GRIK2: variants seen among roughly 807,000 people sequenced by gnomAD.
GRIK2 encodes glutamate ionotropic receptor kainate type subunit 2, also known as glutamate receptor ionotropic, kainate 2.
Under a neutral mutation model 100.3 loss-of-function variants are expected in GRIK2, and 32 were observed. The ratio of observed to expected loss-of-function variants is 0.32; its 90% CI spans 0.24 to 0.43. The LOEUF is 0.43. Ranked by LOEUF, GRIK2 falls within the 20% of genes least tolerant of loss-of-function variation. The pLI is 1.00. For synonymous variants in GRIK2, 417 were observed against 389.4 expected (o/e 1.07, Z -0.83); for missense variants, 843 against 1,114.9 (o/e 0.76, Z 3.47).
intron 12 of GRIK2, among the ~76,000 whole-genome samples, chr6:101,892,934 A>T (rs181980945): frequency 4.4e-4 from 66 of 148,452 alleles, no homozygotes; most frequent in African/African-American, 1.4e-3. Flanking sequence ...TTAAATTCTG[A>T]ACATCCAAAA....
At chr6:101,548,271 G>A (rs1403455139) in intron 2 of GRIK2, among the ~76,000 whole-genome samples, 1 of 152,062 alleles carries the variant, frequency 6.6e-6, no homozygotes, top group African/African-American at 2.4e-5. Flanking sequence ...TTTGTAGGTT[G>A]CCTGTTCACT....
chr6:101,460,431 G>A (rs939132934), intron 2 of GRIK2, among the ~76,000 whole-genome samples: 1 of 152,194 alleles, frequency 6.6e-6, no homozygotes, highest in Non-Finnish European at 1.5e-5. Flanking sequence ...AAATAGATGA[G>A]TAGACCTTAA....
chr6:101,594,062 G>T (rs531308978), intron 2 of GRIK2, among the ~76,000 whole-genome samples: 4 of 151,896 alleles, frequency 2.6e-5, no homozygotes, highest in African/African-American at 9.6e-5. Context: ...CACAATTCCT[G>T]ATAATCCACA....
chr6:102,006,222 A>G (rs1795216872), intron 14 of GRIK2, among the ~76,000 whole-genome samples: 1 of 151,732 alleles, frequency 6.6e-6, no homozygotes, highest in South Asian at 2.1e-4. Context: ...TAAAAAATAA[A>G]TACTTTCAAA....
chr6:101,716,896 A>G (rs1241346423), intron 7 of GRIK2, among the ~76,000 whole-genome samples: 1 of 151,850 alleles, frequency 6.6e-6, no homozygotes, highest in Non-Finnish European at 1.5e-5. Context: ...CTCCTCTTCC[A>G]GTGCCCATTC....
chr6:101,877,390 A>G (rs1052339768), intron 11 of GRIK2, among the ~76,000 whole-genome samples: 4 of 151,924 alleles, frequency 2.6e-5, no homozygotes, highest in African/African-American at 9.7e-5. Flanking sequence ...AACTATTTAC[A>G]TAGCATTTAC....
At chr6:101,620,255 G>A in intron 2 of GRIK2, 1 of 828,526 alleles carries the variant, frequency 1.2e-6, no homozygotes, top group Non-Finnish European at 1.5e-6. Flanking sequence ...ATACACAGAA[G>A]GAATCTAGGT....
intron 7 of GRIK2, among the ~76,000 whole-genome samples, chr6:101,708,313 C>T (rs1773475993): frequency 6.6e-6 from 1 of 150,958 alleles, no homozygotes. Context: ...TGGAAATCAG[C>T]ATTATTCAAC....
chr6:101,566,258 C>T (rs1777271255), intron 2 of GRIK2, among the ~76,000 whole-genome samples: 1 of 151,754 alleles, frequency 6.6e-6, no homozygotes, highest in Non-Finnish European at 1.5e-5. Flanking sequence ...GATCATAATA[C>T]ATATGAAAAC....
intron 2 of GRIK2, among the ~76,000 whole-genome samples, chr6:101,572,755 T>TC (rs1777599233): frequency 8.0e-6 from 1 of 124,470 alleles, no homozygotes; most frequent in South Asian, 2.4e-4. Context: ...TCAGTTTCTT[T>TC]TTTTTTTTTT....
chr6:101,787,154 T>C (rs895937461), intron 7 of GRIK2, among the ~76,000 whole-genome samples: 8 of 151,984 alleles, frequency 5.3e-5, no homozygotes, highest in Non-Finnish European at 1.0e-4. Flanking sequence ...TTCAGTGTTA[T>C]CTATTGTAAT....
chr6:101,633,101 T>C (rs1163954117), intron 4 of GRIK2, among the ~76,000 whole-genome samples: 8 of 152,058 alleles, frequency 5.3e-5, no homozygotes, highest in Admixed American at 5.2e-4. Flanking sequence ...TATAAAAAGC[T>C]AGCGTAGGAG....
intron 11 of GRIK2, among the ~76,000 whole-genome samples, chr6:101,870,305 G>T (rs760413604): frequency 6.6e-6 from 1 of 151,868 alleles, no homozygotes; most frequent in African/African-American, 2.4e-5. Context: ...TTAGCATGAT[G>T]CTTAATACAC....
At chr6:101,766,905 G>C (rs957500332) in intron 7 of GRIK2, among the ~76,000 whole-genome samples, 3 of 152,204 alleles carry the variant, frequency 2.0e-5, no homozygotes, top group Non-Finnish European at 4.4e-5. Context: ...TCCTGACACA[G>C]TAGATAAGAT....
At chr6:101,987,853 C>T (rs905286407) in intron 14 of GRIK2, among the ~76,000 whole-genome samples, 1 of 151,422 alleles carries the variant, frequency 6.6e-6, no homozygotes, top group Non-Finnish European at 1.5e-5. Context: ...GATTTACATT[C>T]ATTTTTCTGA....
intron 7 of GRIK2, among the ~76,000 whole-genome samples, chr6:101,702,433 G>A (rs1218480271): frequency 6.6e-6 from 1 of 151,866 alleles, no homozygotes; most frequent in East Asian, 1.9e-4. Context: ...TGTTTAACTG[G>A]CCAAATGTTA....
chr6:101,926,589 A>G (rs1034394505), intron 13 of GRIK2, among the ~76,000 whole-genome samples: 1 of 152,196 alleles, frequency 6.6e-6, no homozygotes, highest in Non-Finnish European at 1.5e-5. Flanking sequence ...CTATGTTATT[A>G]TCTCTGAAGA....
In GRIK2 at chr6:102,068,598, G is replaced by C; in HGVS notation, c.*87G>C. On this transcript the variant is annotated 3_prime_UTR_variant, in exon 17 of 17. Transcript: ENST00000369134. ...TGTTTCCTGTGGAAATATGCAACCT[G>C]TGCAAAATAAAATGAGTTACCTCAT... 8.5e-7 allele frequency: 1 copy of C among 1,181,462 alleles called. No individual in the cohort carries two copies. The highest frequency in any genetic ancestry group is 1.2e-6 in the Non-Finnish European group (1 of 827,734). 73.2% of individuals were successfully genotyped at this position (1,181,462 alleles called of 1,614,324 possible). A position where few individuals can be genotyped will look rare whatever the true frequency, so the allele number is the denominator to read the frequency against.
At chr6:101,889,617 T>TG in intron 11 of GRIK2, 23 bp from the exon 12 acceptor site, 1 of 1,049,994 alleles carries the variant, frequency 9.5e-7, no homozygotes. Context: ...TTTTTTTTTT[T>TG]TTTTGTTTGT....
Sources: gnomAD v4.1 joint callset for allele counts (sites outside exome capture counted in the v4.1 genomes callset) on GRCh38, gnomAD v4.1.1 for gene constraint, MANE v1.5 for transcripts, NCBI Gene and HGNC (gene_info 2026-07-23, HGNC 2026-07-21) for gene names.